Variants in RAI1 observed in about 807,000 individuals in gnomAD.
RAI1 encodes retinoic acid induced 1, also known as retinoic acid-induced protein 1.
A neutral mutation model predicts 123.8 loss-of-function variants in RAI1; 9 were observed. The observed-to-expected ratio is 0.07, with a 90% CI of 0.04 to 0.13. The LOEUF (loss-of-function observed/expected upper bound fraction) is 0.13, where lower values mean the gene tolerates loss of function less well. Among genes scored for constraint, RAI1 ranks in the 10% least tolerant of loss-of-function variants. The pLI, the probability that RAI1 is intolerant of heterozygous loss-of-function variation, is 1.00. For synonymous variants in RAI1, 1,231 were observed against 1,127.3 expected (o/e 1.09, Z -1.84); for missense variants, 2,256 against 2,545.8 (o/e 0.89, Z 2.45).
intron 2 of RAI1, among the ~76,000 whole-genome samples, chr17:17,736,358 C>T (rs1009033222): frequency 1.3e-5 from 2 of 152,212 alleles, no homozygotes; most frequent in African/African-American, 4.8e-5. Flanking sequence ...TCCCAGAGAC[C>T]TTGGCACCTG....
chr17:17,686,606 T>TGCGC (rs1433996407), intron 1 of RAI1, among the ~76,000 whole-genome samples: 128 of 137,352 alleles, frequency 9.3e-4, no homozygotes, highest in African/African-American at 2.5e-3. Flanking sequence ...TGTGTGTGTG[T>TGCGC]GTGCACGCGC....
In RAI1 at chr17:17,798,578, G is replaced by A. The variant is rs1238194669; in HGVS notation, c.5565+65G>A. On this transcript the variant is annotated intron_variant, in intron 3 of 5. Coordinates refer to ENST00000353383, the MANE Select transcript of RAI1 (RefSeq NM_030665.4). ...CCAAAGGACAGGCAGGCAGGCAGTCGGGGAGCCCCTTGTTTCTAGTGCTAC... is the reference window on the plus strand; with the variant it reads ...CCAAAGGACAGGCAGGCAGGCAGTCAGGGAGCCCCTTGTTTCTAGTGCTAC... 29 of 1,583,836 alleles carry A rather than the reference G, an allele frequency of 1.8e-5. No individual in the cohort carries two copies. In the East Asian group the frequency reaches 5.0e-4, roughly 27 times the overall value.
intron 1 of RAI1, among the ~76,000 whole-genome samples, chr17:17,689,536 C>T (rs1914767039): frequency 6.6e-6 from 1 of 152,200 alleles, no homozygotes; most frequent in South Asian, 2.1e-4. Context: ...AACTCTCATT[C>T]ATTCGTTCAT....
intron 1 of RAI1, among the ~76,000 whole-genome samples, chr17:17,705,377 C>A (rs1239810639): frequency 6.6e-6 from 1 of 152,214 alleles, no homozygotes; most frequent in Non-Finnish European, 1.5e-5. Context: ...CGCCTGTAAT[C>A]CGAGCACTCT....
intron 1 of RAI1, among the ~76,000 whole-genome samples, chr17:17,721,629 G>C (rs1180074317): frequency 6.6e-6 from 1 of 152,200 alleles, no homozygotes; most frequent in Non-Finnish European, 1.5e-5. Context: ...CTGAGGAGGG[G>C]AGGGAAGACA....
chr17:17,804,310 G>A (rs1046331709), intron 4 of RAI1, among the ~76,000 whole-genome samples: 5 of 152,210 alleles, frequency 3.3e-5, no homozygotes, highest in African/African-American at 1.2e-4. Flanking sequence ...GAGACCCATG[G>A]AGCAATTGTG....
chr17:17,694,164 C>T (rs1244559327), intron 1 of RAI1, among the ~76,000 whole-genome samples: 1 of 152,142 alleles, frequency 6.6e-6, no homozygotes, highest in Non-Finnish European at 1.5e-5. Flanking sequence ...GCGACTTCTG[C>T]TTAGATCTGT....
chr17:17,796,937 A>G lies in RAI1; in HGVS notation c.3989A>G (p.Glu1330Gly). The G allele has an allele frequency of 6.2e-7, 1 of 1,613,550 alleles. No homozygotes were observed. The highest frequency in any genetic ancestry group is 8.5e-7 in the Non-Finnish European group (1 of 1,180,028). Residue 1330 changes from glutamate to glycine, a missense_variant, in exon 3 of 6, where the codon GAA becomes GGA. Coordinates refer to ENST00000353383, the MANE Select transcript of RAI1 (RefSeq NM_030665.4). The surrounding 1 kb of genome is among the most constrained non-coding windows in gnomAD (Gnocchi z 5.8). ...PPRKGRGLKL[E>G]AIVQKITSPS... The stretch of plus-strand genomic sequence containing the variant: ...CGGAAGGGCCGGGGCCTGAAGCTGG[A>G]AGCCATCGTGCAGAAGATCACCTCG...
At chr17:17,720,412 C>A (rs1312615499) in intron 1 of RAI1, among the ~76,000 whole-genome samples, 1 of 152,148 alleles carries the variant, frequency 6.6e-6, no homozygotes, top group Admixed American at 6.5e-5. Flanking sequence ...AAGGTGAAAT[C>A]AGAACCTAGG....
In RAI1 at chr17:17,797,614, C is replaced by A; in HGVS notation, c.4666C>A (p.Arg1556Ser). The A allele has an allele frequency of 6.2e-7, 1 of 1,613,972 alleles. No individual in the cohort carries two copies. Among genetic ancestry groups the A allele is most frequent in the Non-Finnish European group, 8.5e-7 (1 of 1,180,034 alleles). Residue 1556 changes from arginine (R) to serine (S), a missense_variant, in exon 3 of 6, where the codon CGT becomes AGT. Arg to Ser is a moderately radical substitution (Grantham distance 110, BLOSUM62 -1). Around this residue, in one of 7 missense-constraint regions of RAI1, gnomAD observed 410 missense variants for 374.6 expected, o/e 1.09. Transcript: ENST00000353383. ...KNTTSSPCKG[R>S]AKRRRQQQVL... ...CACCACCTCTTCACCCTGTAAGGGG[C>A]GTGCCAAGCGACGACGACAGCAGCA... is the stretch of plus-strand genomic sequence containing the variant.
At chr17:17,780,987 C>T (rs964067568) in intron 2 of RAI1, among the ~76,000 whole-genome samples, 18 of 152,326 alleles carry the variant, frequency 1.2e-4, no homozygotes, top group African/African-American at 3.8e-4. Context: ...TCCTCACCCC[C>T]TCCCCTCCCA....
intron 2 of RAI1, among the ~76,000 whole-genome samples, chr17:17,752,489 C>CG (rs921009812): frequency 2.6e-5 from 4 of 152,194 alleles, no homozygotes; most frequent in African/African-American, 9.7e-5. Flanking sequence ...ACAGCCGCCC[C>CG]GGGAGCCTGG....
chr17:17,809,100 A>T lies in RAI1; in HGVS notation c.5660-290A>T, dbSNP rs1352288097. The T allele has an allele frequency of 3.9e-6, 2 of 509,312 alleles. No individual in the cohort carries two copies. Among genetic ancestry groups the T allele is most frequent in the South Asian group, 2.0e-5 (1 of 49,458 alleles). 31.5% of individuals were successfully genotyped at this position (509,312 alleles called of 1,614,324 possible). A position where few individuals can be genotyped will look rare whatever the true frequency, so the allele number is the denominator to read the frequency against. On this transcript the variant is annotated intron_variant, in intron 4 of 5. Coordinates refer to ENST00000353383, the MANE Select transcript of RAI1 (RefSeq NM_030665.4). The surrounding 1 kb of genome is among the most constrained non-coding windows in gnomAD (Gnocchi z 4.9). ...AGAGTAAGGCGGGAGGGAGGGAGGG[A>T]CTGAGGGACTGCCTCAAGTGAGGAG...
At position 17,714,101 on chromosome 17, in the gene RAI1, G is replaced by T. The variant is rs1915643514; in HGVS notation, c.-148-9927G>T. Reference sequence around the variant, plus strand: ...AGCCGCAGGTTGCTCACCACCTCCCGAGCAGCTCCCTCCTTCCATTTCTGG... The same window carrying T: ...AGCCGCAGGTTGCTCACCACCTCCCTAGCAGCTCCCTCCTTCCATTTCTGG... On this transcript the variant is annotated intron_variant, in intron 1 of 5. Coordinates refer to ENST00000353383, the MANE Select transcript of RAI1 (RefSeq NM_030665.4). The surrounding 1 kb of genome is among the most constrained non-coding windows in gnomAD (Gnocchi z 4.9). 6.6e-6 allele frequency among the ~76,000 whole-genome samples: 1 copy of T among 152,078 alleles called. No homozygotes were observed. Among genetic ancestry groups the T allele is most frequent in the African/African-American group, 2.4e-5 (1 of 41,414 alleles).
intron 1 of RAI1, among the ~76,000 whole-genome samples, chr17:17,693,401 G>A (rs1914905561): frequency 6.6e-6 from 1 of 152,214 alleles, no homozygotes; most frequent in Non-Finnish European, 1.5e-5. Flanking sequence ...CAAAAGGAGA[G>A]GGGAGACTGG....
intron 1 of RAI1, among the ~76,000 whole-genome samples, chr17:17,711,708 T>C (rs138357953): frequency 0.011 from 1,656 of 151,574 alleles, 16 homozygotes; most frequent in South Asian, 0.033. Flanking sequence ...CCTGGGAAGG[T>C]CCCAGTCTTT....
intron 1 of RAI1, among the ~76,000 whole-genome samples, chr17:17,711,209 TG>T (rs1915556029): frequency 6.6e-6 from 1 of 152,196 alleles, no homozygotes; most frequent in African/African-American, 2.4e-5. Context: ...GGAAGAACTC[TG>T]GTCACGTCCT....
intron 2 of RAI1, among the ~76,000 whole-genome samples, chr17:17,760,696 A>C (rs2030655390): frequency 6.6e-6 from 1 of 152,228 alleles, no homozygotes; most frequent in African/African-American, 2.4e-5. Context: ...ACCACCCTGC[A>C]GGGAACGTGT....
chr17:17,797,152 A>G lies in RAI1; in HGVS notation c.4204A>G (p.Asn1402Asp). The change falls in exon 3 of 6, where the codon AAT becomes GAT. Residue 1402 changes from asparagine (N) to aspartate (D), a missense_variant. By Grantham distance (23) the Asn-to-Asp change is conservative. Coordinates refer to ENST00000353383, the MANE Select transcript of RAI1 (RefSeq NM_030665.4). ...TTCTGGGGCTGATCCGTTATGCAGA[A>G]ATCCAACCAACAGATCCTTAAAAGG... ...PTSGADPLCR[N>D]PTNRSLKGKL... The G allele has an allele frequency of 1.2e-6, 2 of 1,614,064 alleles. No homozygotes were observed. Among genetic ancestry groups the G allele is most frequent in the Non-Finnish European group, 1.7e-6 (2 of 1,180,038 alleles).
Sources: gnomAD v4.1 joint callset for allele counts (sites outside exome capture counted in the v4.1 genomes callset) on GRCh38, gnomAD v4.1.1 for gene constraint, gnomAD v4.1.1 regional missense constraint, Gnocchi (gnomAD v3.1) non-coding constraint, MANE v1.5 for transcripts, NCBI Gene and HGNC (gene_info 2026-07-23, HGNC 2026-07-21) for gene names.